The following CSMD1 variants were observed in gnomAD, a reference collection of about 807,000 sequenced individuals.
CSMD1 encodes the protein CUB and sushi domain-containing protein 1.
A neutral mutation model predicts 417.5 loss-of-function variants in CSMD1; 213 were observed. The ratio of observed to expected loss-of-function variants is 0.51; its 90% CI spans 0.46 to 0.57. The LOEUF is 0.57. Ranked by LOEUF, CSMD1 falls within the 20% of genes least tolerant of loss-of-function variation. The pLI, the probability that CSMD1 is intolerant of heterozygous loss-of-function variation, is 0.00. For missense variants in CSMD1, 6,923 were observed against 4,529.7 expected (o/e 1.53, Z -15.17); for synonymous variants, 2,862 against 1,736.8 (o/e 1.65, Z -16.11).
At chr8:4,460,955 G>A (rs536531262) in intron 2 of CSMD1, among the ~76,000 whole-genome samples, 4 of 152,096 alleles carry the variant, frequency 2.6e-5, no homozygotes, top group Non-Finnish European at 5.9e-5. Context: ...GCCAGACATA[G>A]TTATAGATAG....
At chr8:4,536,143 A>G (rs1158904465) in intron 2 of CSMD1, among the ~76,000 whole-genome samples, 1 of 152,212 alleles carries the variant, frequency 6.6e-6, no homozygotes, top group East Asian at 1.9e-4. Context: ...TTCTGTATAT[A>G]TAAACCGCAA....
chr8:3,524,750 GCA>G (rs768216757), intron 10 of CSMD1, among the ~76,000 whole-genome samples: 145 of 148,822 alleles, frequency 9.7e-4, no homozygotes, highest in Admixed American at 1.1e-3. Context: ...CGAGACATGT[GCA>G]CACACACATG....
At chr8:4,150,833 G>C (rs1049240751) in intron 3 of CSMD1, among the ~76,000 whole-genome samples, 6 of 152,142 alleles carry the variant, frequency 3.9e-5, no homozygotes, top group Non-Finnish European at 8.8e-5. Context: ...GGGAGGGACA[G>C]AATAACCTTA....
At chr8:4,267,449 A>AAAT (rs1386613646) in intron 3 of CSMD1, among the ~76,000 whole-genome samples, 1 of 149,870 alleles carries the variant, frequency 6.7e-6, no homozygotes. Context: ...AAAATAGTTT[A>AAAT]AATAATATAT....
At position 3,396,204 on chromosome 8, in the gene CSMD1, G is replaced by A. The variant is rs759302628; in HGVS notation, c.2583C>T (p.Ile861=). Residue 861 remains isoleucine, a synonymous_variant, in exon 17 of 70, where the codon ATC becomes ATT. Transcript: ENST00000635120. The part of the protein sequence containing the change: ...DNSRSSIGFL[I]HYESVTLESD... ...GAAGGTGCAACTCACTCTCATAGTGGATGAGGAAGCCGATGCTGGAGCGGC... is the reference window on the plus strand; with the variant it reads ...GAAGGTGCAACTCACTCTCATAGTGAATGAGGAAGCCGATGCTGGAGCGGC... The A allele has an allele frequency of 6.4e-6, 10 of 1,560,630 alleles. No homozygotes were observed. The African/African-American group carries it at 1.4e-4, about 21-fold the overall frequency.
intron 7 of CSMD1, among the ~76,000 whole-genome samples, chr8:3,672,204 G>A (rs911785201): frequency 1.3e-5 from 2 of 152,144 alleles, no homozygotes; most frequent in Non-Finnish European, 2.9e-5. Context: ...GAAATTGACT[G>A]AGTATGGCCT....
intron 3 of CSMD1, among the ~76,000 whole-genome samples, chr8:4,234,053 G>C (rs540965984): frequency 2.6e-5 from 4 of 152,064 alleles, no homozygotes; most frequent in African/African-American, 9.7e-5. Flanking sequence ...CAGTGAAACA[G>C]ATAAGTCAAC....
Position 3,284,296 on chromosome 8 carries a change from A to G in CSMD1, c.4001T>C (p.Val1334Ala), listed in dbSNP as rs1416122730. 1.9e-6 allele frequency: 3 copies of G among 1,613,890 alleles called. No homozygotes were observed. Among genetic ancestry groups the G allele is most frequent in the Non-Finnish European group, 2.5e-6 (3 of 1,179,860 alleles). Residue 1334 changes from valine to alanine, a missense_variant, in exon 26 of 70, where the codon GTC becomes GCC. Coordinates refer to ENST00000635120, the MANE Select transcript of CSMD1 (RefSeq NM_033225.6). ...GTCACTGTCCACCGGCCCGTCCCAGACCTTGAGGATGTCGTGAGCCATCTC... is the reference window on the plus strand; with the variant it reads ...GTCACTGTCCACCGGCCCGTCCCAGGCCTTGAGGATGTCGTGAGCCATCTC... Reference protein sequence around the residue: ...DTEMAHDILKVWDGPVDSDIL... With the variant: ...DTEMAHDILKAWDGPVDSDIL...
At chr8:4,579,630 G>A (rs1799320538) in intron 2 of CSMD1, among the ~76,000 whole-genome samples, 1 of 152,000 alleles carries the variant, frequency 6.6e-6, no homozygotes, top group South Asian at 2.1e-4. Context: ...CCAAAGTTCT[G>A]ATATTACAGG....
chr8:3,095,554 A>T (rs1478672991), intron 47 of CSMD1, among the ~76,000 whole-genome samples: 1 of 152,230 alleles, frequency 6.6e-6, no homozygotes, highest in African/African-American at 2.4e-5. Flanking sequence ...ATTTTTGAAA[A>T]TACATTAATT....
intron 26 of CSMD1, among the ~76,000 whole-genome samples, chr8:3,247,725 T>C (rs1799979100): frequency 6.6e-6 from 1 of 152,152 alleles, no homozygotes; most frequent in Admixed American, 6.5e-5. Context: ...GATTAACATG[T>C]GCAGGCACAG....
At chr8:3,797,492 G>C (rs1217435228) in intron 5 of CSMD1, among the ~76,000 whole-genome samples, 3 of 151,744 alleles carry the variant, frequency 2.0e-5, no homozygotes, top group Non-Finnish European at 2.9e-5. Context: ...CATTACATCT[G>C]ATCTTTAACT....
At position 3,061,351 on chromosome 8, in the gene CSMD1, G is replaced by C. The variant is rs970371924; in HGVS notation, c.7475-8704C>G. Among the ~76,000 whole-genome samples the C allele has an allele frequency of 3.9e-5, 6 of 152,282 alleles. No individual in the cohort carries two copies. The South Asian group carries it at 8.3e-4, about 21-fold the overall frequency. On this transcript the variant is annotated intron_variant, in intron 49 of 69. Coordinates refer to ENST00000635120, the MANE Select transcript of CSMD1 (RefSeq NM_033225.6). Reference sequence around the variant, plus strand: ...ATTTTCCTTCAGATTTAATGTAAAAGAAAGCATTTTTCTGGTTTTTAAATG... The same window carrying C: ...ATTTTCCTTCAGATTTAATGTAAAACAAAGCATTTTTCTGGTTTTTAAATG...
chr8:4,663,083 C>A (rs888582202), intron 1 of CSMD1, among the ~76,000 whole-genome samples: 1 of 152,114 alleles, frequency 6.6e-6, no homozygotes, highest in African/African-American at 2.4e-5. Flanking sequence ...GTAAGCCAAC[C>A]CCTGAGGACA....
rs1803158839 is a variant in CSMD1, at chr8:3,286,363, A to C, written c.3951-2017T>G. On this transcript the variant is annotated intron_variant, in intron 25 of 69. Coordinates refer to ENST00000635120, the MANE Select transcript of CSMD1 (RefSeq NM_033225.6). ...ACCCAGTAATGGGATGGCTGGGTCA[A>C]ATGGTATTTCCAGTTCTAGATCCCT... Among the ~76,000 whole-genome samples the C allele has an allele frequency of 2.0e-5, 3 of 152,048 alleles. No individual in the cohort carries two copies. In the South Asian group the frequency reaches 6.2e-4, roughly 32 times the overall value.
chr8:3,553,002 C>A (rs1798983720), intron 10 of CSMD1, among the ~76,000 whole-genome samples: 1 of 151,968 alleles, frequency 6.6e-6, no homozygotes, highest in South Asian at 2.1e-4. Context: ...CTGTCACGTA[C>A]TGTCTGTCAA....
At chr8:3,547,281 T>C (rs1563141633) in intron 10 of CSMD1, among the ~76,000 whole-genome samples, 1 of 152,250 alleles carries the variant, frequency 6.6e-6, no homozygotes, top group Non-Finnish European at 1.5e-5. Flanking sequence ...CAGAAAGTCA[T>C]ACTCGACAAG....
intron 2 of CSMD1, among the ~76,000 whole-genome samples, chr8:4,550,943 T>C (rs1168646862): frequency 6.6e-6 from 1 of 152,198 alleles, no homozygotes; most frequent in Admixed American, 6.5e-5. Context: ...AGTATCTGAC[T>C]ATGAGCATTT....
intron 3 of CSMD1, among the ~76,000 whole-genome samples, chr8:4,115,131 G>A (rs568023715): frequency 6.6e-6 from 1 of 152,134 alleles, no homozygotes; most frequent in Non-Finnish European, 1.5e-5. Flanking sequence ...AAAGTCCATA[G>A]ATGAGGCAAA....
Sources: allele counts gnomAD v4.1 joint callset (sites outside exome capture counted in the v4.1 genomes callset), GRCh38; gene constraint gnomAD v4.1.1; transcripts MANE v1.5; gene names NCBI Gene and HGNC (gene_info 2026-07-23, HGNC 2026-07-21).